Variants in MGAT4C observed in about 807,000 individuals in gnomAD.
MGAT4C encodes the protein MGAT4 family member C.
Under a neutral mutation model 40.1 loss-of-function variants are expected in MGAT4C, and 19 were observed. That is an observed-to-expected ratio of 0.47 (90% confidence interval 0.33 to 0.70). The LOEUF is 0.70. Among genes scored for constraint, MGAT4C ranks in the 30% least tolerant of loss-of-function variants. MGAT4C has a pLI of 0.02. For missense variants in MGAT4C, 491 were observed against 563.2 expected (o/e 0.87, Z 1.30); for synonymous variants, 181 against 187.1 (o/e 0.97, Z 0.27).
chr12:86,106,916 G>A (rs1471311508), intron 1 of MGAT4C, among the ~76,000 whole-genome samples: 1 of 152,074 alleles, frequency 6.6e-6, no homozygotes, highest in Non-Finnish European at 1.5e-5. Flanking sequence ...AAAAAGCAAG[G>A]AGAATCAATA....
chr12:86,400,252 T>C (rs1956332043), intron 3 of MGAT4C, among the ~76,000 whole-genome samples: 1 of 152,218 alleles, frequency 6.6e-6, no homozygotes, highest in Non-Finnish European at 1.5e-5. Context: ...CCTCTGTGGG[T>C]ATTATTCACA....
At chr12:86,449,736 C>T (rs1957393595) in intron 2 of MGAT4C, among the ~76,000 whole-genome samples, 2 of 152,146 alleles carry the variant, frequency 1.3e-5, no homozygotes, top group Admixed American at 6.6e-5. Context: ...TACCAGTGTT[C>T]CATGTAGTAG....
intron 2 of MGAT4C, among the ~76,000 whole-genome samples, chr12:86,026,644 C>T (rs903711801): frequency 6.6e-6 from 1 of 151,860 alleles, no homozygotes; most frequent in Non-Finnish European, 1.5e-5. Context: ...AAAAAGTAGT[C>T]TCATTTATGA....
At chr12:86,352,464 C>T (rs1955184359) in intron 3 of MGAT4C, among the ~76,000 whole-genome samples, 1 of 152,012 alleles carries the variant, frequency 6.6e-6, no homozygotes, top group Non-Finnish European at 1.5e-5. Flanking sequence ...TATTATTTTC[C>T]TCCTTTTCAC....
At position 85,960,342 on chromosome 12, in the gene MGAT4C, T is replaced by A. The variant is rs1022529467; in HGVS notation, c.*18947A>T. ...GCATCGAGGATATCTAATTTTGGGA[T>A]GAAAATTGAGAGAAGACAGAATTTC... On this transcript the variant is annotated 3_prime_UTR_variant, in exon 5 of 5. Transcript: ENST00000611864. 2 of 152,014 alleles carry A rather than the reference T, an allele frequency of 1.3e-5. No homozygotes were observed. The highest frequency in any genetic ancestry group is 2.9e-5 in the Non-Finnish European group (2 of 67,912). The allele number at this position is 152,014 out of a possible 1,614,324, so 9.4% of individuals were successfully genotyped here.
chr12:86,585,268 T>C (rs1012663309), intron 2 of MGAT4C, among the ~76,000 whole-genome samples: 1 of 151,478 alleles, frequency 6.6e-6, no homozygotes. Flanking sequence ...AAATTTCCAC[T>C]TATTTGTAGG....
chr12:86,699,383 T>C (rs779168943), intron 2 of MGAT4C, among the ~76,000 whole-genome samples: 3 of 152,318 alleles, frequency 2.0e-5, no homozygotes, highest in Non-Finnish European at 4.4e-5. Context: ...CGTATTTTGA[T>C]TTATTCACAT....
intron 2 of MGAT4C, among the ~76,000 whole-genome samples, chr12:86,525,770 C>T: frequency 6.6e-6 from 1 of 152,184 alleles, no homozygotes; most frequent in East Asian, 1.9e-4. Context: ...GTATTGGGCC[C>T]TGACTTTGTT....
chr12:86,698,676 TG>T (rs1950302146), intron 2 of MGAT4C, among the ~76,000 whole-genome samples: 1 of 151,054 alleles, frequency 6.6e-6, no homozygotes, highest in African/African-American at 2.5e-5. Context: ...ACAGCTGAGC[TG>T]TGGGGGGGGT....
chr12:86,753,577 T>C (rs1299011789), intron 1 of MGAT4C, among the ~76,000 whole-genome samples: 2 of 152,032 alleles, frequency 1.3e-5, no homozygotes, highest in African/African-American at 2.4e-5. Context: ...CAGCCCGAGA[T>C]GGTCTCGGCA....
Position 86,755,656 on chromosome 12 carries a change from TTTC to T in MGAT4C, c.-261-28418_-261-28416del, listed in dbSNP as rs533842518. 5.9e-5 allele frequency among the ~76,000 whole-genome samples: 9 copies of T among 151,584 alleles called. No individual in the cohort carries two copies. The East Asian group carries it at 1.7e-3, about 29-fold the overall frequency. The stretch of plus-strand genomic sequence containing the variant: ...CTTCCTTCCTTCTTTCCTACCTTCC[TTTC>T]TTTTCTTTTCAGGGTCTCACTCTGG... On this transcript the variant is annotated intron_variant, in intron 1 of 7. Coordinates refer to the MGAT4C transcript ENST00000548651.
At chr12:86,310,878 C>T (rs936135383) in intron 4 of MGAT4C, among the ~76,000 whole-genome samples, 6 of 152,144 alleles carry the variant, frequency 3.9e-5, no homozygotes, top group Admixed American at 1.3e-4. Flanking sequence ...GAGCCGAGAT[C>T]GCACCACCGC....
At chr12:86,764,964 C>T (rs908999730) in intron 1 of MGAT4C, among the ~76,000 whole-genome samples, 2 of 152,216 alleles carry the variant, frequency 1.3e-5, no homozygotes, top group African/African-American at 4.8e-5. Flanking sequence ...AGCGCCTCTC[C>T]TACTCCAAAG....
At chr12:86,673,421 CCT>C (rs1295456482) in intron 2 of MGAT4C, among the ~76,000 whole-genome samples, 2 of 152,054 alleles carry the variant, frequency 1.3e-5, no homozygotes, top group African/African-American at 2.4e-5. Context: ...CTCACAACTC[CCT>C]GAGTAAGCAT....
At chr12:86,603,568 C>A (rs1961901827) in intron 2 of MGAT4C, among the ~76,000 whole-genome samples, 1 of 109,158 alleles carries the variant, frequency 9.2e-6, no homozygotes, top group Non-Finnish European at 1.7e-5. Flanking sequence ...AGTCTATAGA[C>A]TATAGATAAT....
At chr12:86,777,664 G>A (rs1237580504) in intron 1 of MGAT4C, among the ~76,000 whole-genome samples, 1 of 152,116 alleles carries the variant, frequency 6.6e-6, no homozygotes, top group Non-Finnish European at 1.5e-5. Flanking sequence ...CAGGAGAACT[G>A]AAATATATAG....
intron 2 of MGAT4C, among the ~76,000 whole-genome samples, chr12:86,454,868 C>T (rs1381185004): frequency 1.3e-5 from 2 of 152,052 alleles, no homozygotes; most frequent in Non-Finnish European, 2.9e-5. Flanking sequence ...GATATTTAAT[C>T]CAACAAATTT....
chr12:86,439,351 A>G lies in MGAT4C; in HGVS notation c.-228-4086T>C, dbSNP rs1318071159. Among the ~76,000 whole-genome samples the G allele has an allele frequency of 5.3e-5, 8 of 152,190 alleles. No homozygotes were observed. The East Asian group carries it at 1.5e-3, about 29-fold the overall frequency. On this transcript the variant is annotated intron_variant, in intron 2 of 7. Transcript: ENST00000548651. ...CTCAAAACTATACAAATACATGGAA[A>G]TTAAACAACCTACTTCTGAACTATG...
intron 1 of MGAT4C, among the ~76,000 whole-genome samples, chr12:86,101,637 G>A (rs946978248): frequency 2.0e-5 from 3 of 151,668 alleles, no homozygotes; most frequent in African/African-American, 7.3e-5. Flanking sequence ...AATCACAGTG[G>A]GTACTTTACA....
Sources: allele counts gnomAD v4.1 joint callset (sites outside exome capture counted in the v4.1 genomes callset), GRCh38; gene constraint gnomAD v4.1.1; transcripts MANE v1.5; gene names NCBI Gene and HGNC (gene_info 2026-07-23, HGNC 2026-07-21).